The following LEKR1 variants were observed in gnomAD, a reference collection of about 807,000 sequenced individuals.
The protein encoded by LEKR1 is leucine, glutamate and lysine rich 1, also known as protein LEKR1.
A neutral mutation model predicts 72.4 loss-of-function variants in LEKR1; 59 were observed. The observed-to-expected ratio is 0.82, with a 90% CI of 0.66 to 1.01. LEKR1 has a LOEUF of 1.01. Among genes scored for constraint, LEKR1 ranks in the 50% least tolerant of loss-of-function variants. The pLI, the probability that LEKR1 is intolerant of heterozygous loss-of-function variation, is 0.00. For missense variants in LEKR1, 728 were observed against 759.2 expected (o/e 0.96, Z 0.48); for synonymous variants, 257 against 263.2 (o/e 0.98, Z 0.23).
At chr3:157,030,700 A>C (rs555385481) in intron 12 of LEKR1, among the ~76,000 whole-genome samples, 1 of 152,296 alleles carries the variant, frequency 6.6e-6, no homozygotes, top group African/African-American at 2.4e-5. Flanking sequence ...TCTCTGGTTT[A>C]GAGGCTCAAG....
chr3:156,922,246 T>A (rs1724263248), intron 4 of LEKR1, among the ~76,000 whole-genome samples: 1 of 152,118 alleles, frequency 6.6e-6, no homozygotes, highest in South Asian at 2.1e-4. Flanking sequence ...CAAACCAAAT[T>A]TCTAGAGTTC....
intron 3 of LEKR1, among the ~76,000 whole-genome samples, chr3:156,853,542 GT>G (rs1226306122): frequency 1.3e-5 from 2 of 151,990 alleles, no homozygotes; most frequent in African/African-American, 4.8e-5. Context: ...GTGTTTTATA[GT>G]TTTTCCTATG....
intron 2 of LEKR1, among the ~76,000 whole-genome samples, chr3:156,835,181 A>G (rs1267328815): frequency 6.6e-6 from 1 of 152,234 alleles, no homozygotes; most frequent in Non-Finnish European, 1.5e-5. Flanking sequence ...TTCTAAAGGG[A>G]CAGCTCCTAG....
rs1384175978 is a variant in LEKR1 at position 156,987,270 on chromosome 3, G to A, written c.828-5383G>A. ...TGAAGATAACAATTGGGTAACAAAGGTAGACCATAAAAAGACTGGCTTAAC... is the reference window on the plus strand; with the variant it reads ...TGAAGATAACAATTGGGTAACAAAGATAGACCATAAAAAGACTGGCTTAAC... On this transcript the variant is annotated intron_variant, in intron 7 of 12. Transcript: ENST00000356539. 2.6e-5 allele frequency among the ~76,000 whole-genome samples: 4 copies of A among 152,222 alleles called. No homozygotes were observed. The East Asian group carries it at 7.7e-4, about 29-fold the overall frequency.
At chr3:156,923,953 T>C (rs1222755769) in intron 4 of LEKR1, among the ~76,000 whole-genome samples, 4 of 152,184 alleles carry the variant, frequency 2.6e-5, no homozygotes, top group African/African-American at 4.8e-5. Context: ...GGTCTCAATC[T>C]CTTGACCTCA....
chr3:156,862,457 T>G (rs954697153), intron 3 of LEKR1, among the ~76,000 whole-genome samples: 2 of 152,100 alleles, frequency 1.3e-5, no homozygotes, highest in African/African-American at 2.4e-5. Flanking sequence ...CCTATGACTT[T>G]GCCCCTTAAT....
In LEKR1 at chr3:157,045,541, A is replaced by C. The variant is rs555052284; in HGVS notation, c.1870A>C (p.Arg624=). Residue 624 remains arginine, a synonymous_variant, in exon 13 of 13, where the codon AGA becomes CGA. Transcript: ENST00000356539. ...VSNHGERSLA[R]LNSEKGIQIP... ...TAATCATGGAGAGAGAAGCCTTGCA[A>C]GACTGAACTCTGAAAAAGGAATCCA... is the stretch of plus-strand genomic sequence containing the variant. 1.9e-6 allele frequency: 3 copies of C among 1,614,142 alleles called. No homozygotes were observed. Among genetic ancestry groups the C allele is most frequent in the South Asian group, 2.2e-5 (2 of 91,076 alleles).
intron 3 of LEKR1, among the ~76,000 whole-genome samples, chr3:156,866,553 A>C (rs1333399132): frequency 6.6e-6 from 1 of 152,082 alleles, no homozygotes; most frequent in African/African-American, 2.4e-5. Context: ...TTACTATGTG[A>C]AAATAATTAA....
chr3:157,022,506 G>A (rs1733914705), intron 10 of LEKR1, among the ~76,000 whole-genome samples: 2 of 152,078 alleles, frequency 1.3e-5, no homozygotes, highest in Non-Finnish European at 2.9e-5. Context: ...AGGATTTTGT[G>A]TTGGATTGGG....
chr3:156,943,407 C>T (rs1392633010), intron 6 of LEKR1, among the ~76,000 whole-genome samples: 1 of 151,846 alleles, frequency 6.6e-6, no homozygotes, highest in Non-Finnish European at 1.5e-5. Flanking sequence ...CCTAAGTGTG[C>T]TAGACACTTT....
At chr3:156,873,315 G>A (rs1363101698) in intron 3 of LEKR1, among the ~76,000 whole-genome samples, 1 of 151,868 alleles carries the variant, frequency 6.6e-6, no homozygotes, top group African/African-American at 2.4e-5. Context: ...CTTTACAGGT[G>A]AGATGATTTT....
At chr3:156,966,696 C>G (rs1474269820) in intron 6 of LEKR1, among the ~76,000 whole-genome samples, 1 of 152,200 alleles carries the variant, frequency 6.6e-6, no homozygotes, top group Non-Finnish European at 1.5e-5. Context: ...GACTCCACCT[C>G]TGGGGGCAGG....
intron 3 of LEKR1, among the ~76,000 whole-genome samples, chr3:156,901,054 A>G (rs1171818920): frequency 6.6e-6 from 1 of 152,162 alleles, no homozygotes; most frequent in East Asian, 1.9e-4. Flanking sequence ...TAAACTCCTG[A>G]CCTAAAGTGA....
chr3:156,923,037 C>T (rs1186400699), intron 4 of LEKR1, among the ~76,000 whole-genome samples: 1 of 152,158 alleles, frequency 6.6e-6, no homozygotes. Context: ...CTTCTTCAGT[C>T]TAATTAAGGA....
At chr3:156,857,787 CTAA>C (rs1286772578) in intron 3 of LEKR1, among the ~76,000 whole-genome samples, 1 of 152,120 alleles carries the variant, frequency 6.6e-6, no homozygotes, top group Non-Finnish European at 1.5e-5. Flanking sequence ...AATAATGCTG[CTAA>C]TATTTTACAT....
At chr3:156,967,646 T>C (rs1223170775) in intron 6 of LEKR1, among the ~76,000 whole-genome samples, 1 of 152,152 alleles carries the variant, frequency 6.6e-6, no homozygotes, top group Non-Finnish European at 1.5e-5. Context: ...AATCTACATC[T>C]GATTGGTGTA....
intron 2 of LEKR1, among the ~76,000 whole-genome samples, chr3:156,848,448 G>A (rs1714901582): frequency 6.6e-6 from 1 of 152,162 alleles, no homozygotes; most frequent in African/African-American, 2.4e-5. Flanking sequence ...CCAATTTTAT[G>A]TTCACTGAGA....
At chr3:156,864,392 A>T (rs1398327236) in intron 3 of LEKR1, among the ~76,000 whole-genome samples, 1 of 151,946 alleles carries the variant, frequency 6.6e-6, no homozygotes, top group Non-Finnish European at 1.5e-5. Context: ...AGTGCCTATT[A>T]TTTCCTCGTT....
rs1455663917 is a variant in LEKR1, at chr3:156,872,535, A to G, written c.263+19553A>G. Among the ~76,000 whole-genome samples, 6 of 151,872 alleles carry G rather than the reference A, an allele frequency of 4.0e-5. No homozygotes were observed. In the South Asian group the frequency reaches 1.0e-3, roughly 26 times the overall value. ...CTAGTTCTTTCAGATGTATAGCTAGATTATCGATTTGAAATCTGTCTATTG... is the reference window on the plus strand; with the variant it reads ...CTAGTTCTTTCAGATGTATAGCTAGGTTATCGATTTGAAATCTGTCTATTG... On this transcript the variant is annotated intron_variant, in intron 3 of 12. Coordinates refer to ENST00000356539, the MANE Select transcript of LEKR1 (RefSeq NM_001004316.3).
Sources: allele counts gnomAD v4.1 joint callset (sites outside exome capture counted in the v4.1 genomes callset), GRCh38; gene constraint gnomAD v4.1.1; transcripts MANE v1.5; gene names NCBI Gene and HGNC (gene_info 2026-07-23, HGNC 2026-07-21).